VTCN1: variants seen among roughly 807,000 people sequenced by gnomAD.
VTCN1 encodes V-set domain containing T cell activation inhibitor 1.
Under a neutral mutation model 26.5 loss-of-function variants are expected in VTCN1, and 26 were observed. The observed-to-expected ratio is 0.98, with a 90% CI of 0.72 to 1.36. The LOEUF (loss-of-function observed/expected upper bound fraction) is 1.36, where lower values mean the gene tolerates loss of function less well. Ranked by LOEUF, VTCN1 falls within the 40% of genes most tolerant of loss-of-function variation. The pLI is 0.00. For missense variants in VTCN1, 298 were observed against 337.7 expected (o/e 0.88, Z 0.92); for synonymous variants, 116 against 130.7 (o/e 0.89, Z 0.77).
At chr1:117,189,423 GAA>G (rs1292083841) in intron 1 of VTCN1, among the ~76,000 whole-genome samples, 1 of 152,198 alleles carries the variant, frequency 6.6e-6, no homozygotes, top group East Asian at 1.9e-4. Context: ...GGTAGAGAAA[GAA>G]AAGTCTGTGA....
rs1184940607 is a variant in VTCN1 at position 117,143,650 on chromosome 1, A to G, written c.*1621T>C. 1 of 152,206 alleles carries G rather than the reference A, an allele frequency of 6.6e-6. No homozygotes were observed. The highest frequency in any genetic ancestry group is 1.9e-4 in the East Asian group (1 of 5,196). The allele number at this position is 152,206 out of a possible 1,614,324, so 9.4% of individuals were successfully genotyped here. ...ATCAGAACTCTAAAATCAGTTTTCT[A>G]TAACAACATGTAATACAGTCACCGT... is the stretch of plus-strand genomic sequence containing the variant. On this transcript the variant is annotated 3_prime_UTR_variant, in exon 6 of 6. Coordinates refer to ENST00000369458, the MANE Select transcript of VTCN1 (RefSeq NM_024626.4).
At chr1:117,203,132 G>A (rs563793707) in intron 1 of VTCN1, among the ~76,000 whole-genome samples, 1 of 152,182 alleles carries the variant, frequency 6.6e-6, no homozygotes, top group East Asian at 1.9e-4. Flanking sequence ...AAGAAAAAGG[G>A]CACCCAGTGA....
intron 1 of VTCN1, among the ~76,000 whole-genome samples, chr1:117,172,902 T>TG (rs1291854505): frequency 2.0e-5 from 3 of 152,188 alleles, no homozygotes; most frequent in Admixed American, 2.0e-4. Context: ...CAGCAGGATG[T>TG]GGGTGAGGCC....
At chr1:117,198,760 T>C (rs984600109) in intron 1 of VTCN1, among the ~76,000 whole-genome samples, 4 of 152,258 alleles carry the variant, frequency 2.6e-5, no homozygotes, top group African/African-American at 7.2e-5. Context: ...CCCACGTTTA[T>C]TTAATACCTG....
Position 117,155,599 on chromosome 1 carries a change from C to T in VTCN1, c.445+975G>A, listed in dbSNP as rs1333370770. 6.6e-6 allele frequency among the ~76,000 whole-genome samples: 1 copy of T among 152,132 alleles called. No homozygotes were observed. Among genetic ancestry groups the T allele is most frequent in the Non-Finnish European group, 1.5e-5 (1 of 68,022 alleles). On this transcript the variant is annotated intron_variant, in intron 3 of 5. Coordinates refer to ENST00000369458, the MANE Select transcript of VTCN1 (RefSeq NM_024626.4). The surrounding 1 kb of genome is among the most constrained non-coding windows in gnomAD (Gnocchi z 4.8). ...TGGCTCCAGTATCCCTTTGACATGA[C>T]CCCATTTTAAGATGAAGAAACTGAG...
At chr1:117,191,717 A>T (rs978074002) in intron 1 of VTCN1, among the ~76,000 whole-genome samples, 5 of 152,152 alleles carry the variant, frequency 3.3e-5, no homozygotes, top group African/African-American at 1.2e-4. Flanking sequence ...AGGTGGCAGA[A>T]GGTGTGGTGA....
intron 1 of VTCN1, among the ~76,000 whole-genome samples, chr1:117,184,491 AT>A (rs549075325): frequency 1.3e-5 from 2 of 152,016 alleles, no homozygotes; most frequent in East Asian, 1.9e-4. Flanking sequence ...ACTTTAAGCA[AT>A]TTTTTTTACC....
intron 1 of VTCN1, chr1:117,173,190 G>A (rs1313041574): frequency 1.4e-6 from 1 of 716,330 alleles, no homozygotes; most frequent in African/African-American, 1.7e-5. Context: ...CACTCACCGC[G>A]AGGTCAGCGG....
At chr1:117,156,943 T>C in intron 2 of VTCN1, 22 bp from the exon 3 acceptor site, 1 of 1,613,882 alleles carries the variant, frequency 6.2e-7, no homozygotes, top group Non-Finnish European at 8.5e-7. Context: ...GAAGCAAAGA[T>C]CAATGCTAAG....
rs1030743630 is a variant in VTCN1, at chr1:117,167,042, G to A, written c.97+3065C>T. Among the ~76,000 whole-genome samples the A allele has an allele frequency of 6.7e-6, 1 of 149,040 alleles. No individual in the cohort carries two copies. The highest frequency in any genetic ancestry group is 2.5e-5 in the African/African-American group (1 of 39,770). ...TGGGAGGCAGAGGCTGCAGTGAGCC[G>A]AGATTATGCCACTGTACTCCAGCCT... On this transcript the variant is annotated intron_variant, in intron 2 of 5. Coordinates refer to ENST00000369458, the MANE Select transcript of VTCN1 (RefSeq NM_024626.4). The surrounding 1 kb of genome is among the most constrained non-coding windows in gnomAD (Gnocchi z 4.1).
At chr1:117,178,206 G>A (rs1450051580) in intron 1 of VTCN1, among the ~76,000 whole-genome samples, 2 of 151,454 alleles carry the variant, frequency 1.3e-5, no homozygotes, top group East Asian at 3.9e-4. Flanking sequence ...CCAAAAGTGT[G>A]GGGATTACAG....
chr1:117,203,620 G>A, intron 1 of VTCN1: 1 of 985,392 alleles, frequency 1.0e-6, no homozygotes, highest in Non-Finnish European at 1.2e-6. Flanking sequence ...TTTCTTACCT[G>A]TAGAAACTTC....
Position 117,170,111 on chromosome 1 carries a change from A to G in VTCN1, c.93T>C (p.Ile31=). 1.9e-6 allele frequency: 3 copies of G among 1,613,632 alleles called. No individual in the cohort carries two copies. The highest frequency in any genetic ancestry group is 2.5e-6 in the Non-Finnish European group (3 of 1,179,594). Residue 31 remains isoleucine, a synonymous_variant, in exon 2 of 6, where the codon ATT becomes ATC. Coordinates refer to ENST00000369458, the MANE Select transcript of VTCN1 (RefSeq NM_024626.4). ...GTAATGCAAGAAATCACATACCTGA[A>G]ATACCAAAGCCAATGATGAGTGCAA... ...GAIALIIGFG[I]SGRHSITVTT...
At chr1:117,165,323 G>A (rs1652554855) in intron 2 of VTCN1, among the ~76,000 whole-genome samples, 1 of 152,216 alleles carries the variant, frequency 6.6e-6, no homozygotes, top group Admixed American at 6.5e-5. Context: ...ACAGTGAAGT[G>A]CATGAAGAAA....
chr1:117,166,017 C>T (rs1652588125), intron 2 of VTCN1, among the ~76,000 whole-genome samples: 1 of 152,196 alleles, frequency 6.6e-6, no homozygotes, highest in Admixed American at 6.5e-5. Context: ...GGGAAGGAGG[C>T]AGAACACCTT....
chr1:117,191,366 G>A (rs1192271212), intron 1 of VTCN1, among the ~76,000 whole-genome samples: 1 of 152,214 alleles, frequency 6.6e-6, no homozygotes, highest in Admixed American at 6.5e-5. Context: ...ATTTAAAGAT[G>A]TAATAGGCCA....
chr1:117,197,836 G>C (rs1235068187), intron 1 of VTCN1, among the ~76,000 whole-genome samples: 2 of 152,172 alleles, frequency 1.3e-5, no homozygotes, highest in African/African-American at 2.4e-5. Flanking sequence ...GTAAGGATCT[G>C]AAAGATGGCA....
chr1:117,178,355 C>T (rs1647485345), intron 1 of VTCN1, among the ~76,000 whole-genome samples: 1 of 149,524 alleles, frequency 6.7e-6, no homozygotes, highest in Non-Finnish European at 1.5e-5. Context: ...CTCCTGAGTT[C>T]AAGCAATTCT....
chr1:117,181,420 G>A (rs1430070533), intron 1 of VTCN1, among the ~76,000 whole-genome samples: 2 of 152,160 alleles, frequency 1.3e-5, no homozygotes, highest in Non-Finnish European at 2.9e-5. Flanking sequence ...TAAATGCACC[G>A]AGCTATTTTT....
Sources: allele counts gnomAD v4.1 joint callset (sites outside exome capture counted in the v4.1 genomes callset), GRCh38; gene constraint gnomAD v4.1.1; non-coding constraint Gnocchi (gnomAD v3.1); transcripts MANE v1.5; gene names NCBI Gene and HGNC (gene_info 2026-07-23, HGNC 2026-07-21).